The following SYNE1 variants were observed in gnomAD, a reference collection of about 807,000 sequenced individuals.
SYNE1 encodes the protein nesprin-1.
A neutral mutation model predicts 1,111.0 loss-of-function variants in SYNE1; 616 were observed. That is an observed-to-expected ratio of 0.55 (90% CI 0.52 to 0.59). The LOEUF is 0.59. Among genes scored for constraint, SYNE1 ranks in the 20% least tolerant of loss-of-function variants. SYNE1 has a pLI of 0.00. For missense variants in SYNE1, 10,006 were observed against 10,417.0 expected, an observed-to-expected ratio of 0.96 and a Z score of 1.72; for synonymous variants, 3,855 against 3,825.8, an observed-to-expected ratio of 1.01 and a Z score of -0.28.
chr6:152,259,224 A>C (rs1224137733), intron 101 of SYNE1, among the ~76,000 whole-genome samples: 1 of 152,024 alleles, frequency 6.6e-6, no homozygotes, highest in South Asian at 2.1e-4. Flanking sequence ...ATTTTTTCTT[A>C]ACCTTTGTTT....
chr6:152,247,592 C>T (rs1023563609), intron 105 of SYNE1, among the ~76,000 whole-genome samples: 5 of 151,220 alleles, frequency 3.3e-5, no homozygotes, highest in African/African-American at 1.2e-4. Context: ...CAGCCGGATG[C>T]GGTGGCTCAC....
At position 152,413,397 on chromosome 6, in the gene SYNE1, C is replaced by T. The variant is rs542032376; in HGVS notation, c.6185G>A (p.Arg2062His). 13 of 1,614,124 alleles carry T rather than the reference C, an allele frequency of 8.1e-6. No individual in the cohort carries two copies. The Admixed American group carries it at 8.3e-5, about 10-fold the overall frequency. The change falls in exon 42 of 146, where the codon CGC (arginine) becomes CAC (histidine). Residue 2062 changes from arginine (R) to histidine (H), a missense_variant. By Grantham distance (29) the Arg-to-His change is conservative (BLOSUM62 0). Coordinates refer to ENST00000367255, the MANE Select transcript of SYNE1 (RefSeq NM_182961.4). ...FAPEVDREINRLEVTWDDTKR... is the reference protein window; with the variant it reads ...FAPEVDREINHLEVTWDDTKR... Reference sequence around the variant, plus strand: ...GGTATCATCCCAGGTGACCTCTAAGCGGTTTATCTCCCTGTCAACTTCAGG... The same window carrying T: ...GGTATCATCCCAGGTGACCTCTAAGTGGTTTATCTCCCTGTCAACTTCAGG...
chr6:152,430,440 T>C (rs1014127685), intron 35 of SYNE1, 42 bp downstream of exon 35: 4 of 1,535,288 alleles, frequency 2.6e-6, no homozygotes, highest in East Asian at 2.2e-5. Flanking sequence ...ACAAATACAA[T>C]GTGAAATATG....
intron 16 of SYNE1, 86 bp downstream of exon 16, chr6:152,471,511 A>C: frequency 7.4e-7 from 1 of 1,344,914 alleles, no homozygotes; most frequent in Non-Finnish European, 1.1e-6. Context: ...AAATTCAAGA[A>C]TTAAAATAAC....
intron 38 of SYNE1, among the ~76,000 whole-genome samples, chr6:152,426,794 G>A (rs2098364791): frequency 6.6e-6 from 1 of 152,204 alleles, no homozygotes; most frequent in Non-Finnish European, 1.5e-5. Context: ...AAACCAGAAA[G>A]GCAGGAGAAC....
chr6:152,278,336 CTG>C (rs1379174519), intron 97 of SYNE1, 56 bp from the exon 98 acceptor site: 11 of 1,592,120 alleles, frequency 6.9e-6, no homozygotes, highest in Non-Finnish European at 9.5e-6. Context: ...TCTGCAAAGA[CTG>C]TTTCCCACAG....
chr6:152,530,623 A>AT (rs35951822), intron 4 of SYNE1, among the ~76,000 whole-genome samples: 40,203 of 141,944 alleles, frequency 0.28, 6,117 homozygotes, highest in East Asian at 0.45. Context: ...GTGTGATGAA[A>AT]TTTTTTTTTT....
intron 130 of SYNE1, among the ~76,000 whole-genome samples, chr6:152,175,874 A>G (rs2066344155): frequency 6.6e-6 from 1 of 152,200 alleles, no homozygotes; most frequent in Admixed American, 6.5e-5. Flanking sequence ...CTTAGGTATG[A>G]GGCAAACACT....
Position 152,580,120 on chromosome 6 carries a change from C to T in SYNE1, c.68-40099G>A, listed in dbSNP as rs113518007. Among the ~76,000 whole-genome samples the T allele has an allele frequency of 2.9e-3, 437 of 152,348 alleles. 4 individuals are homozygous for T. Among genetic ancestry groups the T allele is most frequent in the African/African-American group, 9.6e-3 (398 of 41,580 alleles). On this transcript the variant is annotated intron_variant, in intron 3 of 145. Transcript: ENST00000367255. ...TTTCCACAGTGGCTGAACTGATTTA[C>T]ATTCCCACCAGCAATGTATAGGTGT...
At position 152,236,087 on chromosome 6, in the gene SYNE1, C is replaced by T; in HGVS notation, c.20396+20G>A. The T allele has an allele frequency of 6.2e-7, 1 of 1,611,928 alleles. No individual in the cohort carries two copies. Among genetic ancestry groups the T allele is most frequent in the East Asian group, 2.2e-5 (1 of 44,852 alleles). The stretch of plus-strand genomic sequence containing the variant: ...AATGCAGCACTTATCTAAAAATATA[C>T]AAAACAGTCATTGTATTACCTGGTC... On this transcript the variant is annotated intron_variant, in intron 110 of 145. Coordinates refer to ENST00000367255, the MANE Select transcript of SYNE1 (RefSeq NM_182961.4).
intron 46 of SYNE1, among the ~76,000 whole-genome samples, chr6:152,403,836 T>A (rs185587980): frequency 6.6e-6 from 1 of 152,012 alleles, no homozygotes; most frequent in African/African-American, 2.4e-5. Flanking sequence ...CGAAATTCAG[T>A]AGGCAAAAAA....
Position 152,206,094 on chromosome 6 carries a change from T to C in SYNE1, c.23019+74A>G, listed in dbSNP as rs145273756. The C allele has an allele frequency of 6.5e-4, 896 of 1,377,390 alleles. 3 individuals carry two copies. The African/African-American group carries it at 0.011, about 17-fold the overall frequency. The allele number at this position is 1,377,390 out of a possible 1,614,324, so 85.3% of individuals were successfully genotyped here. On this transcript the variant is annotated intron_variant, in intron 126 of 145. Transcript: ENST00000367255. ...CATGATCTTTGCATTATTTGATTTG[T>C]AGAATAACAATGGGAGGAAGTAGTA...
chr6:152,412,069 T>C (rs1257120299), intron 42 of SYNE1, among the ~76,000 whole-genome samples: 1 of 152,142 alleles, frequency 6.6e-6, no homozygotes, highest in Non-Finnish European at 1.5e-5. Flanking sequence ...CAATTGTCCA[T>C]CAACTAGTAA....
chr6:152,254,244 CTTTTTTTTTT>C (rs773598537), intron 104 of SYNE1, among the ~76,000 whole-genome samples: 1 of 73,144 alleles, frequency 1.4e-5, no homozygotes, highest in Non-Finnish European at 2.4e-5. Flanking sequence ...TCTGCATACT[CTTTTTTTTTT>C]TTTTTTTTTT....
intron 3 of SYNE1, among the ~76,000 whole-genome samples, chr6:152,562,636 G>C (rs754355723): frequency 6.6e-6 from 1 of 152,098 alleles, no homozygotes; most frequent in Non-Finnish European, 1.5e-5. Context: ...CTAAGATGTG[G>C]AATCAACCTG....
rs533444528 is a variant in SYNE1 at position 152,462,661 on chromosome 6, C to T, written c.2250+77G>A. ...CCAGGAGACACAGAAACAGCTTTTG[C>T]AATGATCTGAATAAACTTGCTGATC... is the stretch of plus-strand genomic sequence containing the variant. On this transcript the variant is annotated intron_variant, in intron 20 of 145. Coordinates refer to ENST00000367255, the MANE Select transcript of SYNE1 (RefSeq NM_182961.4). 5.3e-5 allele frequency: 83 copies of T among 1,577,930 alleles called. No homozygotes were observed. The African/African-American group carries it at 1.1e-3, about 20-fold the overall frequency.
At chr6:152,584,919 C>G (rs780139454) in intron 3 of SYNE1, among the ~76,000 whole-genome samples, 3 of 152,104 alleles carry the variant, frequency 2.0e-5, no homozygotes, top group Non-Finnish European at 4.4e-5. Context: ...ATAAAGAGTT[C>G]CTTATAGGGA....
chr6:152,189,935 T>G (rs1180560014), intron 127 of SYNE1, among the ~76,000 whole-genome samples: 2 of 152,226 alleles, frequency 1.3e-5, no homozygotes, highest in East Asian at 3.8e-4. Context: ...AAAGTTTCCT[T>G]GTAGCATGTG....
intron 107 of SYNE1, among the ~76,000 whole-genome samples, chr6:152,240,803 C>T (rs186488278): frequency 4.2e-4 from 64 of 152,280 alleles, no homozygotes; most frequent in African/African-American, 1.5e-3. Flanking sequence ...TAGCTAGTCA[C>T]GGCAGAGCTT....
Sources: allele counts gnomAD v4.1 joint callset (sites outside exome capture counted in the v4.1 genomes callset), GRCh38; gene constraint gnomAD v4.1.1; transcripts MANE v1.5; gene names NCBI Gene and HGNC (gene_info 2026-07-23, HGNC 2026-07-21).